Variants in IQCE observed in about 807,000 individuals in gnomAD.
IQCE encodes the protein IQ domain-containing protein E.
IQCE carries 115 observed loss-of-function variants against 96.0 expected under a neutral mutation model. The observed-to-expected ratio is 1.20, with a 90% CI of 1.03 to 1.40. IQCE has a LOEUF of 1.40. Ranked by LOEUF, IQCE falls within the 40% of genes most tolerant of loss-of-function variation. The pLI, the probability that IQCE is intolerant of heterozygous loss-of-function variation, is 0.00. For missense variants in IQCE, 1,041 were observed against 909.1 expected, an observed-to-expected ratio of 1.15 and a Z score of -1.87; for synonymous variants, 412 against 371.2, an observed-to-expected ratio of 1.11 and a Z score of -1.26.
At position 2,614,728 on chromosome 7, in the gene IQCE, G is replaced by T. The variant is rs1490531885; in HGVS notation, c.*4566G>T. 6.6e-6 allele frequency: 1 copy of T among 152,188 alleles called. No homozygotes were observed. Among genetic ancestry groups the T allele is most frequent in the African/African-American group, 2.4e-5 (1 of 41,438 alleles). 9.4% of individuals were successfully genotyped at this position (152,188 alleles called of 1,614,324 possible). On this transcript the variant is annotated 3_prime_UTR_variant, in exon 22 of 22. Transcript: ENST00000402050. ...TAAATAAAAAGTTGTTTTGCAGTGT[G>T]CCTTGAGTGCCCCGTGAAGACTTCT... is the stretch of plus-strand genomic sequence containing the variant.
chr7:2,599,588 C>G (rs1185072617), intron 17 of IQCE, among the ~76,000 whole-genome samples: 1 of 151,948 alleles, frequency 6.6e-6, no homozygotes, highest in Non-Finnish European at 1.5e-5. Context: ...CCTCGACCTC[C>G]CAGGCTCAAG....
chr7:2,586,881 T>C (rs1239003849), intron 12 of IQCE, among the ~76,000 whole-genome samples: 1 of 151,490 alleles, frequency 6.6e-6, no homozygotes, highest in Non-Finnish European at 1.5e-5. Flanking sequence ...CGAGGCAGGG[T>C]GCCATGGGAG....
Position 2,587,846 on chromosome 7 carries a change from G to A in IQCE, c.1013G>A (p.Arg338Gln), listed in dbSNP as rs369371411. ...GGTTATGTGGAGTGGAGCAAGCCCC[G>A]GCTGCTGAGGCGCATTGTGGAGCTG... ...TQGYVEWSKP[R>Q]LLRRIVELEK... Residue 338 changes from arginine (R) to glutamine (Q), a missense_variant, in exon 13 of 22, where the codon CGG becomes CAG. By Grantham distance (43) the Arg-to-Gln change is conservative. Transcript: ENST00000402050. 27 of 1,613,982 alleles carry A rather than the reference G, an allele frequency of 1.7e-5. No individual in the cohort carries two copies. Among genetic ancestry groups the A allele is most frequent in the African/African-American group, 8.0e-5 (6 of 74,934 alleles).
intron 18 of IQCE, among the ~76,000 whole-genome samples, chr7:2,604,009 G>A (rs1784618631): frequency 7.4e-6 from 1 of 135,678 alleles, no homozygotes; most frequent in African/African-American, 2.8e-5. Context: ...TTTTTTTTGA[G>A]ATAGAGTCTC....
At chr7:2,572,054 C>G (rs1386512162) in intron 4 of IQCE, 138 bp from the exon 5 acceptor site, 2 of 901,122 alleles carry the variant, frequency 2.2e-6, no homozygotes, top group Non-Finnish European at 3.4e-6. Flanking sequence ...GTTGGTTAAC[C>G]ATTTACCAGC....
At chr7:2,605,067 G>C in intron 19 of IQCE, 76 bp downstream of exon 19, 1 of 1,059,250 alleles carries the variant, frequency 9.4e-7, no homozygotes, top group African/African-American at 1.6e-5. Context: ...TCGAGAAAGC[G>C]TAGGGCACCC....
Position 2,567,151 on chromosome 7 carries a change from T to C in IQCE, c.72T>C (p.Ser24=). The part of the protein sequence containing the change: ...DDSLSAVTFD[S]DVETKAKRKA... Reference sequence around the variant, plus strand: ...GTCTGTCTGCAGTCACCTTTGACTCTGATGTGGAGACGGTGAGTGCCGCTG... The same window carrying C: ...GTCTGTCTGCAGTCACCTTTGACTCCGATGTGGAGACGGTGAGTGCCGCTG... Residue 24 remains serine, a synonymous_variant, in exon 2 of 22, where the codon TCT becomes TCC. Transcript: ENST00000402050. 1 of 1,613,830 alleles carries C rather than the reference T, an allele frequency of 6.2e-7. No homozygotes were observed. The highest frequency in any genetic ancestry group is 8.5e-7 in the Non-Finnish European group (1 of 1,179,896).
intron 1 of IQCE, among the ~76,000 whole-genome samples, chr7:2,560,188 A>G (rs1215145494): frequency 1.3e-5 from 2 of 152,038 alleles, no homozygotes; most frequent in African/African-American, 4.8e-5. Flanking sequence ...GGTGGAGGCT[A>G]CAGTGAACTG....
At chr7:2,599,119 T>G (rs1231484509) in intron 17 of IQCE, among the ~76,000 whole-genome samples, 1 of 152,220 alleles carries the variant, frequency 6.6e-6, no homozygotes, top group Non-Finnish European at 1.5e-5. Context: ...GGGGGTCGGT[T>G]GGTTACGTCT....
chr7:2,565,630 T>C (rs1781315671), intron 1 of IQCE, among the ~76,000 whole-genome samples: 1 of 152,204 alleles, frequency 6.6e-6, no homozygotes, highest in African/African-American at 2.4e-5. Flanking sequence ...TGCCCAGGGC[T>C]GACTTGGCTT....
rs938971406 is a variant in IQCE, at chr7:2,601,378, C to G, written c.1609-63C>G. 2.3e-5 allele frequency: 27 copies of G among 1,164,900 alleles called. 1 individual carries two copies. The Admixed American group carries it at 4.9e-4, about 21-fold the overall frequency. 72.2% of individuals were successfully genotyped at this position (1,164,900 alleles called of 1,614,324 possible). On this transcript the variant is annotated intron_variant, in intron 17 of 21. Transcript: ENST00000402050. Reference sequence around the variant, plus strand: ...ACACCTGTTGGCAAGATGAAGGAATCAAAACCACATTCATCCTTCTCGTGT... The same window carrying G: ...ACACCTGTTGGCAAGATGAAGGAATGAAAACCACATTCATCCTTCTCGTGT...
intron 9 of IQCE, 34 bp from the exon 10 acceptor site, chr7:2,583,603 C>G: frequency 6.5e-7 from 1 of 1,533,736 alleles, no homozygotes; most frequent in Non-Finnish European, 8.9e-7. Flanking sequence ...GGAACGCTGG[C>G]ACATCCCTAT....
chr7:2,567,261 C>A, intron 2 of IQCE, 98 bp downstream of exon 2: 1 of 932,886 alleles, frequency 1.1e-6, no homozygotes, highest in Non-Finnish European at 1.7e-6. Context: ...CTCCACAATA[C>A]TGTGTCGAGA....
In IQCE at chr7:2,573,489, G is replaced by A. The variant is rs1440086213; in HGVS notation, c.465+1G>A. On this transcript the variant is annotated splice_donor_variant, in intron 6 of 21. Coordinates refer to ENST00000402050, the MANE Select transcript of IQCE (RefSeq NM_152558.5). LOFTEE classifies it high-confidence loss of function. The stretch of plus-strand genomic sequence containing the variant: ...TGACGAGATTATTGAGTTAAAGAAG[G>A]TAGTATTTCGGTTTGTTCTCTATTG... The A allele has an allele frequency of 4.7e-6, 7 of 1,502,376 alleles. No homozygotes were observed. Among genetic ancestry groups the A allele is most frequent in the Non-Finnish European group, 6.5e-6 (7 of 1,079,590 alleles). 93.1% of individuals were successfully genotyped at this position (1,502,376 alleles called of 1,614,324 possible).
At chr7:2,576,889 A>T (rs996583542) in intron 6 of IQCE, among the ~76,000 whole-genome samples, 7 of 152,222 alleles carry the variant, frequency 4.6e-5, no homozygotes, top group Non-Finnish European at 1.0e-4. Context: ...TTGTGTGGTC[A>T]TGGGAGAAAA....
At chr7:2,604,784 G>A in intron 18 of IQCE, 97 bp from the exon 19 acceptor site, 4 of 792,876 alleles carry the variant, frequency 5.0e-6, no homozygotes, top group South Asian at 3.0e-5. Context: ...CACGTTCCCT[G>A]CTGCCGTGGC....
rs761717887 is a variant in IQCE, at chr7:2,572,156, T to C, written c.260-36T>C. The C allele has an allele frequency of 2.5e-6, 4 of 1,586,446 alleles. No individual in the cohort carries two copies. The African/African-American group carries it at 4.1e-5, about 16-fold the overall frequency. The stretch of plus-strand genomic sequence containing the variant: ...CAAAACCTCCCATTGTGTGTGCTTG[T>C]ATCTGTCATATTAAACCCATGCACA... On this transcript the variant is annotated intron_variant, in intron 4 of 21. Coordinates refer to ENST00000402050, the MANE Select transcript of IQCE (RefSeq NM_152558.5).
intron 6 of IQCE, among the ~76,000 whole-genome samples, chr7:2,577,150 G>A (rs903116241): frequency 6.6e-6 from 1 of 152,192 alleles, no homozygotes; most frequent in South Asian, 2.1e-4. Context: ...TGGGAGCCAC[G>A]CAGCTTTCCA....
chr7:2,584,541 C>T (rs966901090), intron 11 of IQCE: 1 of 483,168 alleles, frequency 2.1e-6, no homozygotes, highest in Non-Finnish European at 3.7e-6. Context: ...GATTCTACAT[C>T]CTGCCTTCCA....
Sources: allele counts gnomAD v4.1 joint callset (sites outside exome capture counted in the v4.1 genomes callset), GRCh38; gene constraint gnomAD v4.1.1; transcripts MANE v1.5; gene names NCBI Gene and HGNC (gene_info 2026-07-23, HGNC 2026-07-21).